The following PHF14 variants were observed in gnomAD, a reference collection of about 807,000 sequenced individuals.
PHF14 encodes PHD finger protein 14.
A neutral mutation model predicts 117.9 loss-of-function variants in PHF14; 55 were observed. The observed-to-expected ratio is 0.47, with a 90% confidence interval of 0.38 to 0.58. The LOEUF (loss-of-function observed/expected upper bound fraction) is 0.58, where lower values mean the gene tolerates loss of function less well. Ranked by LOEUF, PHF14 falls within the 20% of genes least tolerant of loss-of-function variation. The pLI is 0.00. For missense variants in PHF14, 978 were observed against 1,122.2 expected (o/e 0.87, Z 1.84); for synonymous variants, 409 against 368.6 (o/e 1.11, Z -1.26).
Position 10,990,737 on chromosome 7 carries a change from G to A in PHF14, c.935G>A (p.Ser312Asn). Residue 312 changes from serine to asparagine, a missense_variant, in exon 4 of 18, where the codon AGC (serine) becomes AAC (asparagine). By Grantham distance (46) the Ser-to-Asn change is conservative (BLOSUM62 1). Around this residue, in one of 7 missense-constraint regions of PHF14, gnomAD observed 414 missense variants for 376.4 expected, o/e 1.10. Transcript: ENST00000634607. Reference sequence around the variant, plus strand: ...ATTCTTGAGAAGAGTCAAAACTGGAGCTCTCAAAAAATGGACCATATTCTG... The same window carrying A: ...ATTCTTGAGAAGAGTCAAAACTGGAACTCTCAAAAAATGGACCATATTCTG... ...SLILEKSQNW[S>N]SQKMDHILIC... 1 of 1,561,054 alleles carries A rather than the reference G, an allele frequency of 6.4e-7. No individual in the cohort carries two copies. Among genetic ancestry groups the A allele is most frequent in the South Asian group, 1.2e-5 (1 of 84,986 alleles).
chr7:10,994,829 C>T (rs1413143582), intron 4 of PHF14, among the ~76,000 whole-genome samples: 3 of 152,070 alleles, frequency 2.0e-5, no homozygotes, highest in Non-Finnish European at 4.4e-5. Context: ...ATAAAGGCAG[C>T]GCGTACCCGA....
At chr7:11,138,333 G>A (rs549475912) in intron 17 of PHF14, among the ~76,000 whole-genome samples, 272 of 152,108 alleles carry the variant, frequency 1.8e-3, no homozygotes, top group African/African-American at 6.2e-3. Context: ...GAGCCACTGC[G>A]CCTGGCCGGA....
chr7:11,042,612 A>C, intron 12 of PHF14, 71 bp from the exon 13 acceptor site: 2 of 1,066,328 alleles, frequency 1.9e-6, no homozygotes, highest in Non-Finnish European at 2.6e-6. Context: ...AAGTTGAAAA[A>C]TATGCTATAA....
intron 5 of PHF14, among the ~76,000 whole-genome samples, chr7:11,014,134 A>G (rs1783443422): frequency 6.6e-6 from 1 of 152,178 alleles, no homozygotes; most frequent in Admixed American, 6.5e-5. Context: ...TAATCTTAAT[A>G]ATTGACCCTA....
chr7:11,133,658 T>C (rs1788144385), intron 17 of PHF14, among the ~76,000 whole-genome samples: 1 of 151,928 alleles, frequency 6.6e-6, no homozygotes, highest in Admixed American at 6.6e-5. Flanking sequence ...TTTTTCAAAA[T>C]AGAACATGCA....
intron 4 of PHF14, among the ~76,000 whole-genome samples, chr7:10,997,856 A>T (rs1782715637): frequency 6.6e-6 from 1 of 152,204 alleles, no homozygotes; most frequent in South Asian, 2.1e-4. Flanking sequence ...TTTATAATCT[A>T]ATATTGGTAG....
intron 17 of PHF14, among the ~76,000 whole-genome samples, chr7:11,119,321 A>G (rs1439242918): frequency 3.3e-5 from 5 of 151,920 alleles, no homozygotes; most frequent in African/African-American, 1.2e-4. Flanking sequence ...GGCTTTACAA[A>G]AGTTAATAAA....
intron 10 of PHF14, 33 bp downstream of exon 10, chr7:11,037,124 G>A: frequency 6.9e-7 from 1 of 1,447,422 alleles, no homozygotes; most frequent in Admixed American, 2.7e-5. Context: ...AACATAATGT[G>A]ATAGATCTTA....
At chr7:10,981,666 G>A (rs1782048590) in intron 2 of PHF14, among the ~76,000 whole-genome samples, 1 of 152,168 alleles carries the variant, frequency 6.6e-6, no homozygotes, top group Non-Finnish European at 1.5e-5. Flanking sequence ...TTACTGCGTA[G>A]AAGTTTTGAA....
chr7:11,115,059 C>G lies in PHF14; in HGVS notation c.2772+3592C>G, dbSNP rs143413395. On this transcript the variant is annotated intron_variant, in intron 17 of 17. Coordinates refer to ENST00000634607, the MANE Select transcript of PHF14 (RefSeq NM_001007157.2). Reference sequence around the variant, plus strand: ...CTTATTTCTTCTTCCATCCGTTCACCCAAGTCACATATCTGGAATCATCCT... The same window carrying G: ...CTTATTTCTTCTTCCATCCGTTCACGCAAGTCACATATCTGGAATCATCCT... 7.9e-5 allele frequency among the ~76,000 whole-genome samples: 12 copies of G among 152,146 alleles called. No individual in the cohort carries two copies. The East Asian group carries it at 1.4e-3, about 17-fold the overall frequency.
At chr7:10,980,796 A>G (rs184393960) in intron 2 of PHF14, among the ~76,000 whole-genome samples, 1 of 152,316 alleles carries the variant, frequency 6.6e-6, no homozygotes, top group East Asian at 1.9e-4. Flanking sequence ...TATTAGTGTA[A>G]TATATGGTGC....
intron 6 of PHF14, among the ~76,000 whole-genome samples, chr7:11,026,395 C>A (rs1783912056): frequency 6.6e-6 from 1 of 152,108 alleles, no homozygotes; most frequent in Non-Finnish European, 1.5e-5. Context: ...CTAAAAAATT[C>A]TCGTGATTTG....
intron 16 of PHF14, among the ~76,000 whole-genome samples, chr7:11,087,631 C>T (rs968461976): frequency 6.6e-6 from 1 of 152,130 alleles, no homozygotes; most frequent in Non-Finnish European, 1.5e-5. Flanking sequence ...CTTTTACTGA[C>T]TATTGCTAAT....
At chr7:11,151,881 ATTTTATGTTCCTCAGAAG>A (rs1006357230) in intron 17 of PHF14, among the ~76,000 whole-genome samples, 2 of 152,184 alleles carry the variant, frequency 1.3e-5, no homozygotes. Context: ...TAATGACAGA[ATTTTATGTTCCTCAGAAG>A]CTGATCCTTG....
chr7:11,062,987 T>C lies in PHF14; in HGVS notation c.2654+902T>C, dbSNP rs1001664284. 10 of 856,956 alleles carry C rather than the reference T, an allele frequency of 1.2e-5. No individual in the cohort carries two copies. In the African/African-American group the frequency reaches 1.8e-4, roughly 16 times the overall value. 53.1% of individuals were successfully genotyped at this position (856,956 alleles called of 1,614,324 possible). ...TTAAACATTTCAAAAAGAATAAACATATTGATAAAACAAATATATTAGTGT... is the reference window on the plus strand; with the variant it reads ...TTAAACATTTCAAAAAGAATAAACACATTGATAAAACAAATATATTAGTGT... On this transcript the variant is annotated intron_variant, in intron 16 of 17. Coordinates refer to ENST00000634607, the MANE Select transcript of PHF14 (RefSeq NM_001007157.2).
chr7:11,107,825 G>C lies in PHF14; in HGVS notation c.2655-3525G>C, dbSNP rs1413273821. ...TTCACTATTTATTTTGATAAATTTTGTCCTATATTATGTGCTGCATGTGTT... is the reference window on the plus strand; with the variant it reads ...TTCACTATTTATTTTGATAAATTTTCTCCTATATTATGTGCTGCATGTGTT... On this transcript the variant is annotated intron_variant, in intron 16 of 17. Transcript: ENST00000634607. The C allele has an allele frequency of 4.1e-6, 3 of 734,548 alleles. No individual in the cohort carries two copies. The African/African-American group carries it at 5.7e-5, about 14-fold the overall frequency. 45.5% of individuals were successfully genotyped at this position (734,548 alleles called of 1,614,324 possible).
In PHF14 at chr7:11,035,743, T is replaced by C; in HGVS notation, c.1559T>C (p.Met520Thr). The change falls in exon 8 of 18, where the codon ATG (methionine) becomes ACG (threonine). Residue 520 changes from methionine (M) to threonine (T), a missense_variant. Coordinates refer to ENST00000634607, the MANE Select transcript of PHF14 (RefSeq NM_001007157.2). The stretch of plus-strand genomic sequence containing the variant: ...TTGGCTCTACAGTCCTATTGTAAAA[T>C]GTCTTTGCAAGAGAGAGAGAAGCAA... The part of the protein sequence containing the change: ...NYLALQSYCK[M>T]SLQEREKQLS... The C allele has an allele frequency of 6.2e-7, 1 of 1,610,156 alleles. No individual in the cohort carries two copies. The highest frequency in any genetic ancestry group is 8.5e-7 in the Non-Finnish European group (1 of 1,177,344).
intron 14 of PHF14, among the ~76,000 whole-genome samples, chr7:11,057,536 G>A (rs554787202): frequency 6.6e-6 from 1 of 152,032 alleles, no homozygotes; most frequent in South Asian, 2.1e-4. Context: ...CACCACGTCC[G>A]GCTGAGTTTT....
chr7:11,052,995 G>C (rs116903067), intron 14 of PHF14, among the ~76,000 whole-genome samples: 3,000 of 152,186 alleles, frequency 0.02, 40 homozygotes, highest in Middle Eastern at 0.044. Flanking sequence ...TTAAGTGCTG[G>C]CTTACAGTTA....
Sources: allele counts gnomAD v4.1 joint callset (sites outside exome capture counted in the v4.1 genomes callset), GRCh38; gene constraint gnomAD v4.1.1; regional missense constraint gnomAD v4.1.1; transcripts MANE v1.5; gene names NCBI Gene and HGNC (gene_info 2026-07-23, HGNC 2026-07-21).